The following SAP130 variants were observed in gnomAD, a reference collection of about 807,000 sequenced individuals.
The protein encoded by SAP130 is Sin3A associated protein 130.
In SAP130, 16 loss-of-function variants were observed where a neutral mutation model predicts 103.2. The observed-to-expected ratio is 0.16, with a 90% confidence interval of 0.10 to 0.24. The LOEUF is 0.24. SAP130 is among the 10% of genes least tolerant of loss of function. The probability of loss-of-function intolerance (pLI) is 1.00; values close to 1 mark genes in which losing one functional copy is unlikely to be tolerated. For synonymous variants in SAP130, 477 were observed against 497.0 expected (o/e 0.96, Z 0.53); for missense variants, 990 against 1,359.7 (o/e 0.73, Z 4.28).
At position 127,943,218 on chromosome 2, in the gene SAP130, G is replaced by C. The variant is rs560747316; in HGVS notation, c.2902-681C>G. Among the ~76,000 whole-genome samples the C allele has an allele frequency of 1.2e-4, 19 of 152,264 alleles. 1 individual carries two copies. In the South Asian group the frequency reaches 3.7e-3, roughly 30 times the overall value. On this transcript the variant is annotated intron_variant, in intron 19 of 20. Transcript: ENST00000643581. ...TACATTTTTTTAGATACTGACAACA[G>C]ACAATGTTCTTCAGGTCACTGCTAC...
At chr2:128,019,614 G>A (rs1685015591) in intron 2 of SAP130, among the ~76,000 whole-genome samples, 1 of 152,100 alleles carries the variant, frequency 6.6e-6, no homozygotes, top group African/African-American at 2.4e-5. Context: ...GGCCGGGCGT[G>A]GTGGTTCACG....
intron 15 of SAP130, among the ~76,000 whole-genome samples, chr2:127,963,424 T>C (rs1680402459): frequency 6.6e-6 from 1 of 152,090 alleles, no homozygotes; most frequent in Non-Finnish European, 1.5e-5. Flanking sequence ...GAGATGGAGT[T>C]TGGCCATGTT....
rs145423681 is a variant in SAP130, at chr2:127,991,485, C to T, written c.1478-1619G>A. ...CTCCCAAGCAGCTGGGACTACAGCA[C>T]GCACCACACCATGCCTGGCTAATTT... On this transcript the variant is annotated intron_variant, in intron 12 of 20. Transcript: ENST00000643581. 2.8e-3 allele frequency among the ~76,000 whole-genome samples: 425 copies of T among 151,820 alleles called. 9 individuals are homozygous for T. The highest frequency in any genetic ancestry group is 0.024 in the Admixed American group (373 of 15,246).
At chr2:127,959,601 A>G (rs1419864075) in intron 15 of SAP130, among the ~76,000 whole-genome samples, 1 of 152,182 alleles carries the variant, frequency 6.6e-6, no homozygotes. Context: ...CTAAAGTATA[A>G]CCTATATATA....
At chr2:127,970,106 T>C (rs979644302) in intron 15 of SAP130, among the ~76,000 whole-genome samples, 4 of 149,466 alleles carry the variant, frequency 2.7e-5, no homozygotes, top group African/African-American at 9.9e-5. Flanking sequence ...CTCGCACCTG[T>C]AGTTGCAGCT....
chr2:127,964,510 A>T (rs1438809564), intron 15 of SAP130, among the ~76,000 whole-genome samples: 9 of 150,994 alleles, frequency 6.0e-5, no homozygotes, highest in Non-Finnish European at 1.0e-4. Flanking sequence ...AAAAAAAAAA[A>T]AAAAAAAAGT....
At chr2:127,969,056 A>G (rs751368836) in intron 15 of SAP130, among the ~76,000 whole-genome samples, 1 of 152,172 alleles carries the variant, frequency 6.6e-6, no homozygotes, top group Non-Finnish European at 1.5e-5. Context: ...ATGATCAACA[A>G]AACAGTAAAC....
chr2:127,970,113 A>C (rs1680966153), intron 15 of SAP130, among the ~76,000 whole-genome samples: 1 of 150,690 alleles, frequency 6.6e-6, no homozygotes, highest in Non-Finnish European at 1.5e-5. Context: ...CTGTAGTTGC[A>C]GCTACTTGGG....
intron 4 of SAP130, among the ~76,000 whole-genome samples, chr2:128,016,150 C>T (rs560285423): frequency 6.6e-5 from 10 of 151,924 alleles, no homozygotes; most frequent in African/African-American, 7.2e-5. Context: ...ACACTAGGGT[C>T]GAATCGAGCA....
chr2:128,010,345 C>T lies in SAP130; in HGVS notation c.793G>A (p.Ala265Thr), dbSNP rs1478589924. 1 of 1,614,044 alleles carries T rather than the reference C, an allele frequency of 6.2e-7. No individual in the cohort carries two copies. Among genetic ancestry groups the T allele is most frequent in the East Asian group, 2.2e-5 (1 of 44,884 alleles). ...TSNAIPPAVVATVSATRAQSP... is the reference protein window; with the variant it reads ...TSNAIPPAVVTTVSATRAQSP... ...TGAGCTCTGGTGGCTGAGACAGTTG[C>T]TACCACAGCAGGAGGGATGGCATTG... Residue 265 changes from alanine (A) to threonine (T), a missense_variant, in exon 7 of 21, where the codon GCA becomes ACA. Ala to Thr is a moderately conservative substitution (Grantham distance 58). Coordinates refer to ENST00000643581, the MANE Select transcript of SAP130 (RefSeq NM_001330301.2).
chr2:127,976,421 C>T (rs1681462397), intron 15 of SAP130, among the ~76,000 whole-genome samples: 1 of 152,194 alleles, frequency 6.6e-6, no homozygotes, highest in Non-Finnish European at 1.5e-5. Context: ...GGACACATTA[C>T]ATCTATTTTT....
chr2:128,002,984 G>T (rs1441520034), intron 7 of SAP130, among the ~76,000 whole-genome samples: 2 of 151,980 alleles, frequency 1.3e-5, no homozygotes, highest in African/African-American at 4.8e-5. Context: ...AAAATTAGCT[G>T]GGCATGGCAC....
intron 14 of SAP130, among the ~76,000 whole-genome samples, chr2:127,982,535 G>A (rs1017403551): frequency 6.6e-6 from 1 of 152,164 alleles, no homozygotes; most frequent in Non-Finnish European, 1.5e-5. Flanking sequence ...CAGTGAAGAC[G>A]GAAGAAGCCT....
intron 14 of SAP130, among the ~76,000 whole-genome samples, chr2:127,980,943 C>T (rs1681824001): frequency 6.6e-6 from 1 of 151,892 alleles, no homozygotes; most frequent in South Asian, 2.1e-4. Context: ...AGATGAATTA[C>T]ATAAAACCGA....
chr2:128,017,074 C>A (rs973986756), intron 3 of SAP130, among the ~76,000 whole-genome samples: 2 of 152,244 alleles, frequency 1.3e-5, no homozygotes, highest in Non-Finnish European at 2.9e-5. Flanking sequence ...GTAATCCCAG[C>A]AATCTGGGAA....
intron 6 of SAP130, among the ~76,000 whole-genome samples, chr2:128,011,140 C>T (rs2105169033): frequency 6.6e-6 from 1 of 152,288 alleles, no homozygotes; most frequent in South Asian, 2.1e-4. Flanking sequence ...AGCACCTCCA[C>T]AGAGGGCCTA....
At chr2:127,980,028 C>A (rs544746609) in intron 14 of SAP130, among the ~76,000 whole-genome samples, 18 of 151,958 alleles carry the variant, frequency 1.2e-4, no homozygotes, top group Non-Finnish European at 2.5e-4. Flanking sequence ...TAGGTGCCTG[C>A]CACCATGCCC....
intron 12 of SAP130, among the ~76,000 whole-genome samples, chr2:127,992,542 C>T (rs1682883066): frequency 6.6e-6 from 1 of 152,162 alleles, no homozygotes; most frequent in African/African-American, 2.4e-5. Flanking sequence ...GCCTCAGCCT[C>T]CCAAAGTGCT....
intron 10 of SAP130, among the ~76,000 whole-genome samples, chr2:127,998,468 T>C (rs368582736): frequency 6.6e-6 from 1 of 152,240 alleles, no homozygotes; most frequent in African/African-American, 2.4e-5. Context: ...GTGATTTTAA[T>C]ATGTATGTTT....
Sources: allele counts gnomAD v4.1 joint callset (sites outside exome capture counted in the v4.1 genomes callset), GRCh38; gene constraint gnomAD v4.1.1; transcripts MANE v1.5; gene names NCBI Gene and HGNC (gene_info 2026-07-23, HGNC 2026-07-21).